The following ZSWIM4 variants were observed in gnomAD, a reference collection of about 807,000 sequenced individuals.
The protein encoded by ZSWIM4 is zinc finger SWIM-type containing 4.
In ZSWIM4, 62 loss-of-function variants were observed where a neutral mutation model predicts 102.5. That is an observed-to-expected ratio of 0.60 (90% CI 0.49 to 0.75). ZSWIM4 has a LOEUF of 0.75. Ranked by LOEUF, ZSWIM4 falls within the 30% of genes least tolerant of loss-of-function variation. The pLI is 0.00. For missense variants in ZSWIM4, 1,280 were observed against 1,529.6 expected (o/e 0.84, Z 2.72); for synonymous variants, 652 against 674.5 (o/e 0.97, Z 0.52).
intron 11 of ZSWIM4, among the ~76,000 whole-genome samples, chr19:13,824,451 G>T: frequency 6.6e-6 from 1 of 152,056 alleles, no homozygotes; most frequent in Admixed American, 6.6e-5. Flanking sequence ...GCAAAAATTA[G>T]CCAGGCACAG....
intron 6 of ZSWIM4, among the ~76,000 whole-genome samples, chr19:13,814,048 C>T (rs1353756156): frequency 6.6e-6 from 1 of 150,896 alleles, no homozygotes; most frequent in Admixed American, 6.6e-5. Context: ...GCTCCTAACA[C>T]ATACACGCAT....
At chr19:13,804,515 T>C (rs1297424101) in intron 2 of ZSWIM4, among the ~76,000 whole-genome samples, 2 of 151,450 alleles carry the variant, frequency 1.3e-5, no homozygotes, top group Non-Finnish European at 2.9e-5. Context: ...GGCATGGTGG[T>C]GTGTGCCTGT....
chr19:13,805,880 A>G (rs1434595385), intron 3 of ZSWIM4, among the ~76,000 whole-genome samples: 1 of 150,512 alleles, frequency 6.6e-6, no homozygotes, highest in African/African-American at 2.4e-5. Context: ...CTGAGGTGGG[A>G]GAATGGGTTG....
In ZSWIM4 at chr19:13,832,003, G is replaced by GGA. The variant is rs1468886884; in HGVS notation, c.*956_*957dup. The GGA allele has an allele frequency of 6.6e-6, 1 of 150,798 alleles. No individual in the cohort carries two copies. The highest frequency in any genetic ancestry group is 2.4e-5 in the African/African-American group (1 of 40,888). 9.3% of individuals were successfully genotyped at this position (150,798 alleles called of 1,614,324 possible). On this transcript the variant is annotated 3_prime_UTR_variant, in exon 14 of 14. Transcript: ENST00000590508. ...CCCACCTTGACCCAGGGAGGAGAAGGGAGAACATCACCCCCCCAAGTCACC... is the reference window on the plus strand; with the variant it reads ...CCCACCTTGACCCAGGGAGGAGAAGGGAGAGAACATCACCCCCCCAAGTCACC...
intron 1 of ZSWIM4, among the ~76,000 whole-genome samples, chr19:13,798,473 A>C (rs1292839545): frequency 6.6e-6 from 1 of 151,786 alleles, no homozygotes; most frequent in East Asian, 1.9e-4. Flanking sequence ...ACTTTTTTCT[A>C]ACTTCTTCCT....
At chr19:13,808,760 A>T in intron 3 of ZSWIM4, 76 bp from the exon 4 acceptor site, 1 of 1,298,086 alleles carries the variant, frequency 7.7e-7, no homozygotes, top group Non-Finnish European at 1.0e-6. Context: ...AAAAAAAAAA[A>T]AGGACAGCTC....
intron 3 of ZSWIM4, 88 bp from the exon 4 acceptor site, chr19:13,808,740 CAAAAAAAA>C: frequency 5.5e-5 from 46 of 834,116 alleles, no homozygotes; most frequent in Admixed American, 1.5e-4. Context: ...ACTCCGTCTC[CAAAAAAAA>C]AAAAAAAAAA....
In ZSWIM4 at chr19:13,805,141, G is replaced by A. The variant is rs1382512249; in HGVS notation, c.705G>A (p.Leu235=). Residue 235 remains leucine (L), a synonymous_variant, in exon 3 of 14, where the codon TTG becomes TTA. Transcript: ENST00000590508. ...TCCTGCTGGGCTCCGAGATCAACTT[G>A]GTGAATGGTAAGGGCACCCCGGGGG... ...EILLLGSEIN[L]VNGAPDPTAG... is the part of the protein sequence containing the mutation. 1 of 1,597,204 alleles carries A rather than the reference G, an allele frequency of 6.3e-7. No homozygotes were observed. The highest frequency in any genetic ancestry group is 8.5e-7 in the Non-Finnish European group (1 of 1,178,244).
intron 11 of ZSWIM4, among the ~76,000 whole-genome samples, chr19:13,824,097 G>A (rs959065179): frequency 6.6e-6 from 1 of 151,126 alleles, no homozygotes; most frequent in Admixed American, 6.6e-5. Context: ...GAGATAGTAG[G>A]GGGGGATAGA....
chr19:13,804,708 C>A, intron 2 of ZSWIM4, 84 bp from the exon 3 acceptor site: 1 of 1,177,446 alleles, frequency 8.5e-7, no homozygotes, highest in Non-Finnish European at 1.2e-6. Context: ...CTCGGCTGGG[C>A]TTTGCAACCG....
chr19:13,806,662 C>CAAAAAAAAA (rs1294824434), intron 3 of ZSWIM4, among the ~76,000 whole-genome samples: 1 of 138,502 alleles, frequency 7.2e-6, no homozygotes, highest in African/African-American at 2.7e-5. Context: ...GACCCTGACT[C>CAAAAAAAAA]AAAAAACAAA....
At chr19:13,808,735 G>A (rs1363753969) in intron 3 of ZSWIM4, 101 bp from the exon 4 acceptor site, 12 of 1,169,654 alleles carry the variant, frequency 1.0e-5, no homozygotes, top group Non-Finnish European at 1.3e-5. Flanking sequence ...GCCAAACTCC[G>A]TCTCCAAAAA....
At chr19:13,805,185 C>T (rs1029281026) in intron 3 of ZSWIM4, 37 bp downstream of exon 3, 18 of 1,531,584 alleles carry the variant, frequency 1.2e-5, no homozygotes, top group Non-Finnish European at 1.5e-5. Context: ...GGAGAGGATG[C>T]CCAAGCGCAC....
intron 1 of ZSWIM4, among the ~76,000 whole-genome samples, chr19:13,798,446 C>G (rs1974667254): frequency 6.6e-6 from 1 of 152,110 alleles, no homozygotes; most frequent in African/African-American, 2.4e-5. Context: ...AAGATGGGCA[C>G]CTTAATCATT....
chr19:13,807,934 C>T (rs914177392), intron 3 of ZSWIM4, among the ~76,000 whole-genome samples: 3 of 152,150 alleles, frequency 2.0e-5, no homozygotes, highest in Non-Finnish European at 4.4e-5. Context: ...TTAATCGGCT[C>T]ATAGTTCTGC....
At chr19:13,812,854 A>G in intron 5 of ZSWIM4, 143 bp from the exon 6 acceptor site, 1 of 790,806 alleles carries the variant, frequency 1.3e-6, no homozygotes, top group Non-Finnish European at 2.0e-6. Flanking sequence ...CTTGTCTGTA[A>G]GGTGCAAAGG....
At position 13,831,337 on chromosome 19, in the gene ZSWIM4, C is replaced by G. The variant is rs1169563632; in HGVS notation, c.*287C>G. ...CTTTGGGCACCCCAAAAGCAATAGG[C>G]AAACTCCCCTTACCCAGACTGGCTT... On this transcript the variant is annotated 3_prime_UTR_variant, in exon 14 of 14. Coordinates refer to ENST00000590508, the MANE Select transcript of ZSWIM4 (RefSeq NM_001367834.3). The G allele has an allele frequency of 2.6e-6, 1 of 377,664 alleles. No individual in the cohort carries two copies. Among genetic ancestry groups the G allele is most frequent in the East Asian group, 4.7e-5 (1 of 21,152 alleles). The allele number at this position is 377,664 out of a possible 1,614,324, so 23.4% of individuals were successfully genotyped here.
In ZSWIM4 at chr19:13,805,086, C is replaced by T; in HGVS notation, c.650C>T (p.Pro217Leu). The change falls in exon 3 of 14, where the codon CCC (proline) becomes CTC (leucine). Residue 217 changes from proline to leucine, a missense_variant. Transcript: ENST00000590508. ...LISAHHTEVLPTAQRLADEIL... is the reference protein window; with the variant it reads ...LISAHHTEVLLTAQRLADEIL... ...AGCGCCCATCACACTGAGGTGCTGCCCACTGCTCAGCGCTTGGCTGATGAG... is the reference window on the plus strand; with the variant it reads ...AGCGCCCATCACACTGAGGTGCTGCTCACTGCTCAGCGCTTGGCTGATGAG... 1 of 1,606,182 alleles carries T rather than the reference C, an allele frequency of 6.2e-7. No homozygotes were observed. Among genetic ancestry groups the T allele is most frequent in the South Asian group, 1.1e-5 (1 of 91,076 alleles).
intron 11 of ZSWIM4, among the ~76,000 whole-genome samples, chr19:13,824,787 AT>A (rs1436419052): frequency 6.6e-6 from 1 of 150,922 alleles, no homozygotes; most frequent in Non-Finnish European, 1.5e-5. Context: ...AAAAGCTAAC[AT>A]TTGAGCAGCT....
Sources: allele counts gnomAD v4.1 joint callset (sites outside exome capture counted in the v4.1 genomes callset), GRCh38; gene constraint gnomAD v4.1.1; transcripts MANE v1.5; gene names NCBI Gene and HGNC (gene_info 2026-07-23, HGNC 2026-07-21).